ASAP1: variants seen among roughly 807,000 people sequenced by gnomAD.
The protein encoded by ASAP1 is arf-GAP with SH3 domain, ANK repeat and PH domain-containing protein 1.
Under a neutral mutation model 145.2 loss-of-function variants are expected in ASAP1, and 43 were observed. The observed-to-expected ratio is 0.30, with a 90% CI of 0.23 to 0.38. The LOEUF (loss-of-function observed/expected upper bound fraction) is 0.38. Among genes scored for constraint, ASAP1 ranks in the 10% least tolerant of loss-of-function variants. The probability of loss-of-function intolerance (pLI) is 1.00; values close to 1 mark genes in which losing one functional copy is unlikely to be tolerated. For missense variants in ASAP1, 1,018 were observed against 1,355.3 expected (o/e 0.75, Z 3.91); for synonymous variants, 546 against 515.5 (o/e 1.06, Z -0.80).
intron 3 of ASAP1, among the ~76,000 whole-genome samples, chr8:130,289,047 G>A (rs776204410): frequency 2.6e-5 from 4 of 152,154 alleles, no homozygotes; most frequent in East Asian, 1.9e-4. Context: ...TTAGCTGGGC[G>A]TGGTGGCACA....
intron 5 of ASAP1, 81 bp downstream of exon 5, chr8:130,214,475 A>T: frequency 7.6e-7 from 1 of 1,321,566 alleles, no homozygotes; most frequent in South Asian, 1.8e-5. Context: ...TTGAGGGGGA[A>T]GGATTATTGA....
intron 11 of ASAP1, among the ~76,000 whole-genome samples, chr8:130,160,360 T>C (rs576286662): frequency 3.0e-4 from 45 of 152,188 alleles, no homozygotes; most frequent in Non-Finnish European, 4.7e-4. Flanking sequence ...AACCCAAACA[T>C]GTTCTTCCCT....
At chr8:130,212,659 C>T (rs2136413049) in intron 5 of ASAP1, among the ~76,000 whole-genome samples, 1 of 152,324 alleles carries the variant, frequency 6.6e-6, no homozygotes, top group South Asian at 2.1e-4. Context: ...AACACACCCA[C>T]CAAACTGCCA....
chr8:130,354,505 A>C (rs1826188226), intron 3 of ASAP1, among the ~76,000 whole-genome samples: 1 of 152,176 alleles, frequency 6.6e-6, no homozygotes, highest in Non-Finnish European at 1.5e-5. Context: ...CAAAGGTACT[A>C]AGTATTAGCC....
At position 130,358,158 on chromosome 8, in the gene ASAP1, G is replaced by C. The variant is rs767052072; in HGVS notation, c.60-15C>G. The C allele has an allele frequency of 1.9e-6, 3 of 1,595,708 alleles. No homozygotes were observed. The highest frequency in any genetic ancestry group is 1.1e-5 in the South Asian group (1 of 90,020). On this transcript the variant is annotated splice_polypyrimidine_tract_variant and intron_variant, in intron 2 of 29. Transcript: ENST00000518721. The surrounding 1 kb of genome is among the most constrained non-coding windows in gnomAD (Gnocchi z 4.1). ...GGTCCGGCATCCTGCCGGGAGGGAC[G>C]AGACACAAGCGGGGGCGGGGGGTGA...
At chr8:130,268,975 G>A (rs765914453) in intron 3 of ASAP1, among the ~76,000 whole-genome samples, 5 of 152,150 alleles carry the variant, frequency 3.3e-5, no homozygotes, top group Non-Finnish European at 7.4e-5. Flanking sequence ...GGTGGAGAAG[G>A]AACAGTCAAA....
intron 3 of ASAP1, among the ~76,000 whole-genome samples, chr8:130,242,357 G>A (rs1212880649): frequency 1.3e-5 from 2 of 148,222 alleles, no homozygotes; most frequent in Non-Finnish European, 3.0e-5. Flanking sequence ...TATATTCAGA[G>A]AGGTCATTTA....
In ASAP1 at chr8:130,358,585, CCTGA is replaced by C. The variant is rs1421908956; in HGVS notation, c.60-446_60-443del. Among the ~76,000 whole-genome samples, 11 of 147,508 alleles carry C rather than the reference CCTGA, an allele frequency of 7.5e-5. No homozygotes were observed. The highest frequency in any genetic ancestry group is 2.7e-4 in the Admixed American group (4 of 14,884). ...ACGCGCTGACAGGCGGCGGCGCGGGCCTGACTGACTGAGCGCACACTCCCGCGGC... is the reference window on the plus strand; with the variant it reads ...ACGCGCTGACAGGCGGCGGCGCGGGCCTGACTGAGCGCACACTCCCGCGGC... On this transcript the variant is annotated intron_variant, in intron 2 of 29. Transcript: ENST00000518721. This position sits in a 1 kb window ranked among gnomAD's most constrained non-coding sequence, Gnocchi z 4.1.
Position 130,054,648 on chromosome 8 carries a change from CTA to C in ASAP1, c.*81_*82del. 3 of 1,178,230 alleles carry C rather than the reference CTA, an allele frequency of 2.5e-6. No individual in the cohort carries two copies. Among genetic ancestry groups the C allele is most frequent in the Non-Finnish European group, 3.8e-6 (3 of 786,316 alleles). The allele number at this position is 1,178,230 out of a possible 1,614,324, so 73.0% of individuals were successfully genotyped here. On this transcript the variant is annotated 3_prime_UTR_variant, in exon 30 of 30. Coordinates refer to ENST00000518721, the MANE Select transcript of ASAP1 (RefSeq NM_018482.4). ...TGAGTTTCTTACTCTGTAACAGCAG[CTA>C]TATACACACTGTGCCCAGGGTTACA... is the stretch of plus-strand genomic sequence containing the variant.
chr8:130,102,814 T>C (rs922594010), intron 24 of ASAP1, among the ~76,000 whole-genome samples: 2 of 152,142 alleles, frequency 1.3e-5, no homozygotes, highest in African/African-American at 2.4e-5. Flanking sequence ...GCCTTCTACA[T>C]AGTTAGCACC....
chr8:130,158,154 T>C (rs76525058), intron 12 of ASAP1, among the ~76,000 whole-genome samples: 16,213 of 151,942 alleles, frequency 0.11, 989 homozygotes, highest in South Asian at 0.28. Context: ...ATGTCTCAGA[T>C]TAAGCCAAGG....
At position 130,061,049 on chromosome 8, in the gene ASAP1, G is replaced by T; in HGVS notation, c.2722C>A (p.His908Asn). The change falls in exon 28 of 30, where the codon CAT (histidine) becomes AAT (asparagine). Residue 908 changes from histidine to asparagine, a missense_variant. His to Asn is a moderately conservative substitution (Grantham distance 68, BLOSUM62 1). This residue lies in a region of ASAP1 where 38 missense variants were observed against 77.2 expected (regional missense o/e 0.49). Transcript: ENST00000518721. ...PQKVALRKTD[H>N]LSLDKATIPP... The stretch of plus-strand genomic sequence containing the variant: ...ATGGTGGCTTTGTCTAGGGAGAGAT[G>T]ATCTGTTTTCCTTAGTGCCACTGTG... The T allele has an allele frequency of 6.5e-7, 1 of 1,527,164 alleles. No homozygotes were observed. Among genetic ancestry groups the T allele is most frequent in the South Asian group, 1.3e-5 (1 of 75,586 alleles). The allele number at this position is 1,527,164 out of a possible 1,614,324, so 94.6% of individuals were successfully genotyped here.
At chr8:130,097,533 G>T (rs964044684) in intron 24 of ASAP1, among the ~76,000 whole-genome samples, 3 of 152,184 alleles carry the variant, frequency 2.0e-5, no homozygotes, top group African/African-American at 7.2e-5. Flanking sequence ...CTGATGTGCT[G>T]CCAGAGCACC....
At chr8:130,169,209 A>G (rs1701169748) in intron 9 of ASAP1, 142 bp from the exon 10 acceptor site, 1 of 493,258 alleles carries the variant, frequency 2.0e-6, no homozygotes, top group Non-Finnish European at 3.6e-6. Context: ...CTCATTCTCT[A>G]TGGATTTATC....
intron 5 of ASAP1, among the ~76,000 whole-genome samples, chr8:130,210,284 G>GT (rs74313933): frequency 4.4e-4 from 67 of 152,168 alleles, no homozygotes; most frequent in African/African-American, 1.5e-3. Context: ...CCCTTCTAAT[G>GT]TTTTTTGGTT....
At chr8:130,392,628 G>T (rs1372724383) in intron 2 of ASAP1, among the ~76,000 whole-genome samples, 1 of 152,188 alleles carries the variant, frequency 6.6e-6, no homozygotes, top group Non-Finnish European at 1.5e-5. Flanking sequence ...TGCTCTAATG[G>T]AATAACTGAA....
At chr8:130,241,024 T>C (rs573584558) in intron 3 of ASAP1, among the ~76,000 whole-genome samples, 7 of 151,970 alleles carry the variant, frequency 4.6e-5, no homozygotes, top group African/African-American at 7.3e-5. Context: ...ACAAGGAGGG[T>C]AGCATACCTC....
At position 130,358,485 on chromosome 8, in the gene ASAP1, G is replaced by A. The variant is rs1826493146; in HGVS notation, c.60-342C>T. Among the ~76,000 whole-genome samples the A allele has an allele frequency of 6.7e-6, 1 of 148,178 alleles. No homozygotes were observed. The highest frequency in any genetic ancestry group is 1.5e-5 in the Non-Finnish European group (1 of 66,422). ...ACGCGGCTGCGCGCGGGGTCTTCGC[G>A]GGGGTCTGGGCTCCGGCCGGCCGCT... On this transcript the variant is annotated intron_variant, in intron 2 of 29. Coordinates refer to ENST00000518721, the MANE Select transcript of ASAP1 (RefSeq NM_018482.4). This position sits in a 1 kb window ranked among gnomAD's most constrained non-coding sequence, Gnocchi z 4.1.
chr8:130,272,012 C>T (rs888507322), intron 3 of ASAP1, among the ~76,000 whole-genome samples: 1 of 152,018 alleles, frequency 6.6e-6, no homozygotes, highest in African/African-American at 2.4e-5. Flanking sequence ...TAAAAAAAGA[C>T]TTACTGTCAC....
Sources: allele counts gnomAD v4.1 joint callset (sites outside exome capture counted in the v4.1 genomes callset), GRCh38; gene constraint gnomAD v4.1.1; regional missense constraint gnomAD v4.1.1; non-coding constraint Gnocchi (gnomAD v3.1); transcripts MANE v1.5; gene names NCBI Gene and HGNC (gene_info 2026-07-23, HGNC 2026-07-21).